Variants in MACROD2 observed in about 807,000 individuals in gnomAD.
The protein encoded by MACROD2 is mono-ADP ribosylhydrolase 2.
A neutral mutation model predicts 70.4 loss-of-function variants in MACROD2; 36 were observed. The observed-to-expected ratio is 0.51, with a 90% CI of 0.39 to 0.68. The LOEUF is 0.68. Ranked by LOEUF, MACROD2 falls within the 30% of genes least tolerant of loss-of-function variation. The pLI, the probability that MACROD2 is intolerant of heterozygous loss-of-function variation, is 0.00. For synonymous variants in MACROD2, 172 were observed against 178.8 expected, an observed-to-expected ratio of 0.96 and a Z score of 0.30; for missense variants, 496 against 538.4, an observed-to-expected ratio of 0.92 and a Z score of 0.78.
intron 3 of MACROD2, among the ~76,000 whole-genome samples, chr20:14,435,944 G>T (rs190906652): frequency 6.6e-6 from 1 of 151,962 alleles, no homozygotes; most frequent in Non-Finnish European, 1.5e-5. Context: ...TGGTCTCAAC[G>T]GATCCACCTA....
At chr20:14,747,708 A>G (rs1332395354) in intron 5 of MACROD2, among the ~76,000 whole-genome samples, 1 of 152,128 alleles carries the variant, frequency 6.6e-6, no homozygotes, top group Non-Finnish European at 1.5e-5. Context: ...GGAGCAGATT[A>G]GAGTGGTATG....
At chr20:15,964,195 A>G (rs1462923972) in intron 12 of MACROD2, among the ~76,000 whole-genome samples, 1 of 152,244 alleles carries the variant, frequency 6.6e-6, no homozygotes, top group East Asian at 1.9e-4. Flanking sequence ...ACATGGAAAT[A>G]ATAAGTTATT....
intron 4 of MACROD2, among the ~76,000 whole-genome samples, chr20:14,532,100 C>G (rs1470461018): frequency 6.6e-6 from 1 of 152,090 alleles, no homozygotes; most frequent in African/African-American, 2.4e-5. Context: ...TCATACTTCC[C>G]AAAGGCCTAA....
chr20:14,532,447 A>T (rs2423803), intron 4 of MACROD2, among the ~76,000 whole-genome samples: 73,391 of 150,142 alleles, frequency 0.49, 18,167 homozygotes, highest in African/African-American at 0.55. Flanking sequence ...ATGGTCTCGA[A>T]CTCCTGACCT....
chr20:14,769,568 A>G (rs1307545900), intron 5 of MACROD2, among the ~76,000 whole-genome samples: 3 of 152,092 alleles, frequency 2.0e-5, no homozygotes, highest in African/African-American at 7.3e-5. Context: ...TACCGCACCT[A>G]TCAAGTCCTT....
intron 3 of MACROD2, among the ~76,000 whole-genome samples, chr20:14,229,988 A>C (rs1016045748): frequency 6.6e-6 from 1 of 152,222 alleles, no homozygotes; most frequent in Non-Finnish European, 1.5e-5. Context: ...ACTATACTTT[A>C]GTCTATTATT....
chr20:14,762,324 T>G (rs2072026709), intron 5 of MACROD2, among the ~76,000 whole-genome samples: 2 of 151,966 alleles, frequency 1.3e-5, no homozygotes, highest in Admixed American at 6.6e-5. Flanking sequence ...TACTCAGGAG[T>G]GGGGTCATGG....
chr20:15,082,941 C>T (rs2123139390), intron 5 of MACROD2, among the ~76,000 whole-genome samples: 1 of 152,276 alleles, frequency 6.6e-6, no homozygotes, highest in East Asian at 1.9e-4. Flanking sequence ...TATGTTATTT[C>T]TGATGTCCCA....
chr20:14,177,936 G>A (rs2148728888), intron 3 of MACROD2, among the ~76,000 whole-genome samples: 1 of 152,212 alleles, frequency 6.6e-6, no homozygotes, highest in Admixed American at 6.5e-5. Flanking sequence ...TTTAAATTTT[G>A]TATAGGGAAA....
intron 3 of MACROD2, among the ~76,000 whole-genome samples, chr20:14,392,758 T>C (rs1470401675): frequency 1.3e-5 from 2 of 152,166 alleles, no homozygotes; most frequent in African/African-American, 4.8e-5. Context: ...TTAGCTCTAT[T>C]ATGTGGCTCC....
At chr20:14,128,212 G>A in intron 3 of MACROD2, 2 of 370,766 alleles carry the variant, frequency 5.4e-6, no homozygotes, top group African/African-American at 2.1e-5. Flanking sequence ...GAAGATTTGG[G>A]AGCAGATCCC....
intron 5 of MACROD2, among the ~76,000 whole-genome samples, chr20:14,981,051 T>TGC (rs1211070295): frequency 6.6e-6 from 1 of 151,070 alleles, no homozygotes; most frequent in Non-Finnish European, 1.5e-5. Context: ...TGTGTGTGTG[T>TGC]GCATGTGTGT....
chr20:15,766,863 C>G (rs895621229), intron 8 of MACROD2, among the ~76,000 whole-genome samples: 5 of 152,220 alleles, frequency 3.3e-5, no homozygotes, highest in Admixed American at 6.5e-5. Flanking sequence ...TGCGGGGTCT[C>G]TATCCTCAAC....
intron 8 of MACROD2, among the ~76,000 whole-genome samples, chr20:15,725,045 C>G (rs753456351): frequency 1.7e-4 from 26 of 152,040 alleles, no homozygotes; most frequent in African/African-American, 4.1e-4. Flanking sequence ...TCACGCCACT[C>G]CACTCCAGCC....
chr20:15,703,309 C>T (rs2050486822), intron 8 of MACROD2, among the ~76,000 whole-genome samples: 1 of 152,220 alleles, frequency 6.6e-6, no homozygotes, highest in Non-Finnish European at 1.5e-5. Context: ...CCCACAGTCT[C>T]AGCTCTGCAT....
intron 3 of MACROD2, among the ~76,000 whole-genome samples, chr20:14,402,923 C>G (rs1455569191): frequency 6.6e-6 from 1 of 152,138 alleles, no homozygotes; most frequent in South Asian, 2.1e-4. Flanking sequence ...AAGGCAGCTA[C>G]TTGCATGGGT....
chr20:14,016,432 GT>G lies in MACROD2; in HGVS notation c.163+14034del, dbSNP rs201292147. 7.0e-3 allele frequency among the ~76,000 whole-genome samples: 1,066 copies of G among 152,134 alleles called. 14 individuals are homozygous for G. The highest frequency in any genetic ancestry group is 0.024 in the African/African-American group (995 of 41,538). On this transcript the variant is annotated intron_variant, in intron 2 of 17. Transcript: ENST00000684519. ...AATTTTGATGAAGTCCAGTTTATCT[GT>G]TTTTTCTCTGGTTGATTGCTTTTGG...
intron 3 of MACROD2, among the ~76,000 whole-genome samples, chr20:14,251,608 A>G (rs2082012909): frequency 6.6e-6 from 1 of 152,120 alleles, no homozygotes; most frequent in Admixed American, 6.6e-5. Flanking sequence ...GAGCCAAAAT[A>G]TTACCACTAG....
At chr20:15,623,869 T>G (rs2049164987) in intron 8 of MACROD2, among the ~76,000 whole-genome samples, 1 of 152,168 alleles carries the variant, frequency 6.6e-6, no homozygotes. Flanking sequence ...AAAATTATGT[T>G]AAAGGAGATG....
Sources: allele counts gnomAD v4.1 joint callset (sites outside exome capture counted in the v4.1 genomes callset), GRCh38; gene constraint gnomAD v4.1.1; transcripts MANE v1.5; gene names NCBI Gene and HGNC (gene_info 2026-07-23, HGNC 2026-07-21).